Variants in SPTAN1 observed in about 807,000 individuals in gnomAD.
SPTAN1 encodes spectrin alpha chain, non-erythrocytic 1.
SPTAN1 carries 61 observed loss-of-function variants against 331.3 expected under a neutral mutation model. The ratio of observed to expected loss-of-function variants is 0.18; its 90% CI spans 0.15 to 0.23. The LOEUF (loss-of-function observed/expected upper bound fraction) is 0.23, where lower values mean the gene tolerates loss of function less well. Among genes scored for constraint, SPTAN1 ranks in the 10% least tolerant of loss-of-function variants. The pLI is 1.00. For synonymous variants in SPTAN1, 1,153 were observed against 1,173.9 expected (o/e 0.98, Z 0.36); for missense variants, 2,043 against 3,147.9 (o/e 0.65, Z 8.40).
chr9:128,627,555 G>C lies in SPTAN1; in HGVS notation c.6689+57G>C. On this transcript the variant is annotated intron_variant, in intron 50 of 56. Transcript: ENST00000372739. The surrounding 1 kb of genome is among the most constrained non-coding windows in gnomAD (Gnocchi z 4.9). ...CATGTCCCTGCTGTACTTAAGCCCT[G>C]GGGAGCTTCCAGCCCCAAGGAGGTG... 6.8e-7 allele frequency: 1 copy of C among 1,471,534 alleles called. No homozygotes were observed. The allele number at this position is 1,471,534 out of a possible 1,614,324, so 91.2% of individuals were successfully genotyped here.
chr9:128,577,131 A>T lies in SPTAN1; in HGVS notation c.788A>T (p.Asp263Val). 1 of 1,614,026 alleles carries T rather than the reference A, an allele frequency of 6.2e-7. No homozygotes were observed. Among genetic ancestry groups the T allele is most frequent in the Non-Finnish European group, 8.5e-7 (1 of 1,180,014 alleles). Residue 263 changes from aspartate (D) to valine (V), a missense_variant and splice_region_variant, in exon 7 of 57, where the codon GAT (aspartate) becomes GTT (valine). Coordinates refer to ENST00000372739, the MANE Select transcript of SPTAN1 (RefSeq NM_001130438.3). The surrounding 1 kb of genome is among the most constrained non-coding windows in gnomAD (Gnocchi z 4.2). ...GAAEVQRFNR[D>V]VDETISWIKE... is the part of the protein sequence containing the mutation. ...TAACTGGTGCCTTTGTTCTGTAGGG[A>T]TGTGGATGAGACTATCAGTTGGATT...
chr9:128,566,604 G>A (rs781368589), intron 1 of SPTAN1, 134 bp from the exon 2 acceptor site: 24 of 1,348,136 alleles, frequency 1.8e-5, no homozygotes, highest in Non-Finnish European at 2.5e-5. Context: ...TTGTTCCTAA[G>A]AAGGGGCTGT....
Position 128,632,639 on chromosome 9 carries a change from GGCTA to G in SPTAN1, c.7082_7085del (p.Gly2361ValfsTer39). The stretch of plus-strand genomic sequence containing the variant: ...GTTCAAATCTTGCCTGCGCTCCCTG[GGCTA>G]TGACCTGCCCATGGTGGAGGAAGGG... On this transcript the variant is annotated frameshift_variant, in exon 55 of 57. Coordinates refer to ENST00000372739, the MANE Select transcript of SPTAN1 (RefSeq NM_001130438.3). LOFTEE classifies it high-confidence loss of function. The G allele has an allele frequency of 6.2e-7, 1 of 1,614,054 alleles. No individual in the cohort carries two copies. Among genetic ancestry groups the G allele is most frequent in the Non-Finnish European group, 8.5e-7 (1 of 1,180,018 alleles).
chr9:128,618,446 A>G (rs1294237450), intron 43 of SPTAN1, among the ~76,000 whole-genome samples: 3 of 151,908 alleles, frequency 2.0e-5, no homozygotes, highest in South Asian at 2.1e-4. Context: ...TGTTCCATGG[A>G]CGGCCTGACT....
intron 51 of SPTAN1, chr9:128,630,027 T>G: frequency 3.8e-6 from 2 of 528,972 alleles, no homozygotes; most frequent in Non-Finnish European, 3.6e-6. Context: ...CCTGCACCCA[T>G]GGGGGAATTT....
At chr9:128,628,267 G>C in intron 51 of SPTAN1, 1 of 477,240 alleles carries the variant, frequency 2.1e-6, no homozygotes, top group Non-Finnish European at 4.0e-6. Context: ...CCCCGTGCCT[G>C]TCCAGCCACC....
In SPTAN1 at chr9:128,611,704, G is replaced by A; in HGVS notation, c.4774-10G>A. The A allele has an allele frequency of 1.2e-6, 2 of 1,613,734 alleles. No individual in the cohort carries two copies. Among genetic ancestry groups the A allele is most frequent in the South Asian group, 1.1e-5 (1 of 91,086 alleles). ...AACTGGTTTGGAAAAAATTTTTTTG[G>A]TATTTTTAGAGCAAGCACCAGAAGC... On this transcript the variant is annotated splice_polypyrimidine_tract_variant and intron_variant, in intron 37 of 56. Transcript: ENST00000372739.
chr9:128,603,735 ACAT>A (rs1855468061), intron 28 of SPTAN1, 145 bp downstream of exon 28: 2 of 1,026,132 alleles, frequency 1.9e-6, no homozygotes, highest in Non-Finnish European at 3.1e-6. Flanking sequence ...TCCTAAGTAA[ACAT>A]CAGCACATTC....
At position 128,618,916 on chromosome 9, in the gene SPTAN1, C is replaced by T. The variant is rs1857514728; in HGVS notation, c.5646C>T (p.Ala1882=). 6.2e-7 allele frequency: 1 copy of T among 1,613,956 alleles called. No homozygotes were observed. The highest frequency in any genetic ancestry group is 1.3e-5 in the African/African-American group (1 of 74,868). Residue 1882 remains alanine (A), a synonymous_variant, in exon 44 of 57, where the codon GCC becomes GCT. Coordinates refer to ENST00000372739, the MANE Select transcript of SPTAN1 (RefSeq NM_001130438.3). ...CCTTGGAATATCAGCAGTTTGTAGC[C>T]AATGTGGAAGAGGAAGAAGCCTGGA... ...EESLEYQQFV[A]NVEEEEAWIN...
At chr9:128,555,438 G>T (rs1436860333) in intron 1 of SPTAN1, 1 of 1,287,126 alleles carries the variant, frequency 7.8e-7, no homozygotes, top group Non-Finnish European at 1.0e-6. Flanking sequence ...TGCCTTTTTG[G>T]TTTTGCCTGG....
rs984212165 is a variant in SPTAN1, at chr9:128,627,947, A to G, written c.6707+5A>G. 6.2e-7 allele frequency: 1 copy of G among 1,614,072 alleles called. No homozygotes were observed. On this transcript the variant is annotated splice_donor_5th_base_variant and intron_variant, in intron 51 of 56. Transcript: ENST00000372739. The surrounding 1 kb of genome is among the most constrained non-coding windows in gnomAD (Gnocchi z 4.9). ...CAGGACATACCTCCTCGATGGGTTA[A>G]TATTGTTTTCTTCCTTCTCTGGGCT...
chr9:128,568,204 A>T (rs1850261921), intron 2 of SPTAN1, among the ~76,000 whole-genome samples: 1 of 152,228 alleles, frequency 6.6e-6, no homozygotes, highest in African/African-American at 2.4e-5. Context: ...ACAGTAACCT[A>T]AGAAGAGAAT....
chr9:128,616,186 C>T (rs1857143718), intron 41 of SPTAN1, among the ~76,000 whole-genome samples: 1 of 152,010 alleles, frequency 6.6e-6, no homozygotes, highest in Admixed American at 6.6e-5. Context: ...AAATGTCAGT[C>T]TACTGATTCC....
At chr9:128,563,429 A>C (rs894750921) in intron 1 of SPTAN1, among the ~76,000 whole-genome samples, 6 of 152,126 alleles carry the variant, frequency 3.9e-5, no homozygotes, top group African/African-American at 1.4e-4. Context: ...CAAAAAACAA[A>C]AAAACGCCAC....
chr9:128,613,622 G>A (rs1856803528), intron 40 of SPTAN1, 137 bp downstream of exon 40: 1 of 720,884 alleles, frequency 1.4e-6, no homozygotes, highest in African/African-American at 1.8e-5. Flanking sequence ...TGTGGCCTCA[G>A]GATCATTATA....
intron 21 of SPTAN1, 90 bp downstream of exon 21, chr9:128,589,033 A>C: frequency 1.3e-6 from 2 of 1,548,358 alleles, no homozygotes; most frequent in Non-Finnish European, 1.8e-6. Flanking sequence ...TGTCTCCCTG[A>C]AATGAGAAGG....
Position 128,590,350 on chromosome 9 carries a change from G to A in SPTAN1, c.3007-1127G>A, listed in dbSNP as rs543315120. Among the ~76,000 whole-genome samples, 18 of 152,222 alleles carry A rather than the reference G, an allele frequency of 1.2e-4. No homozygotes were observed. In the East Asian group the frequency reaches 2.5e-3, roughly 21 times the overall value. On this transcript the variant is annotated intron_variant, in intron 21 of 56. Coordinates refer to ENST00000372739, the MANE Select transcript of SPTAN1 (RefSeq NM_001130438.3). ...TGCTTCTGCAGTAACTACTAGCTAC[G>A]TGTGATAGTAAGCCCTTAAAATATG...
intron 28 of SPTAN1, 98 bp downstream of exon 28, chr9:128,603,688 A>G (rs1027777649): frequency 5.7e-5 from 81 of 1,426,352 alleles, no homozygotes; most frequent in Non-Finnish European, 7.5e-5. Flanking sequence ...CAACCGGGTG[A>G]CCTGTGACAT....
intron 24 of SPTAN1, among the ~76,000 whole-genome samples, chr9:128,598,176 G>A (rs1054004833): frequency 4.1e-5 from 6 of 146,340 alleles, no homozygotes; most frequent in Non-Finnish European, 9.0e-5. Flanking sequence ...TCGAACTCCC[G>A]ACCTCAGGTG....
Sources: allele counts gnomAD v4.1 joint callset (sites outside exome capture counted in the v4.1 genomes callset), GRCh38; gene constraint gnomAD v4.1.1; non-coding constraint Gnocchi (gnomAD v3.1); transcripts MANE v1.5; gene names NCBI Gene and HGNC (gene_info 2026-07-23, HGNC 2026-07-21).